Variants in PRICKLE1 observed in about 807,000 individuals in gnomAD.
PRICKLE1 encodes prickle-like protein 1.
Under a neutral mutation model 70.2 loss-of-function variants are expected in PRICKLE1, and 14 were observed. That is an observed-to-expected ratio of 0.20 (90% CI 0.13 to 0.31). PRICKLE1 has a LOEUF of 0.31. Ranked by LOEUF, PRICKLE1 falls within the 10% of genes least tolerant of loss-of-function variation. PRICKLE1 has a pLI of 1.00. For synonymous variants in PRICKLE1, 357 were observed against 379.9 expected, an observed-to-expected ratio of 0.94 and a Z score of 0.70; for missense variants, 821 against 1,026.2, an observed-to-expected ratio of 0.80 and a Z score of 2.73.
At chr12:42,461,309 GCTT>G (rs1478176651) in intron 7 of PRICKLE1, among the ~76,000 whole-genome samples, 2 of 152,166 alleles carry the variant, frequency 1.3e-5, no homozygotes, top group Admixed American at 6.6e-5. Flanking sequence ...AGATGTAGAA[GCTT>G]CTGCTCCTCA....
At chr12:42,504,791 A>G (rs1243806746) in intron 1 of PRICKLE1, among the ~76,000 whole-genome samples, 1 of 152,014 alleles carries the variant, frequency 6.6e-6, no homozygotes, top group African/African-American at 2.4e-5. Context: ...TTAACACTTT[A>G]TTTTTCTCTC....
chr12:42,460,249 C>T lies in PRICKLE1; in HGVS notation c.2056G>A (p.Ala686Thr), dbSNP rs1312641761. The change falls in exon 8 of 8, where the codon GCC (alanine) becomes ACC (threonine). Residue 686 changes from alanine (A) to threonine (T), a missense_variant. Physicochemically the swap from Ala to Thr is moderately conservative, Grantham distance 58 (BLOSUM62 0). Coordinates refer to ENST00000345127, the MANE Select transcript of PRICKLE1 (RefSeq NM_153026.3). Reference sequence around the variant, plus strand: ...TTTCTTTCTGTAACAAGATTCAGGGCATTGTCGGAGCGGGACTTTCTACTT... The same window carrying T: ...TTTCTTTCTGTAACAAGATTCAGGGTATTGTCGGAGCGGGACTTTCTACTT... ...RRSRKSRSDN[A>T]LNLVTERKYS... The T allele has an allele frequency of 6.2e-7, 1 of 1,614,114 alleles. No individual in the cohort carries two copies. Among genetic ancestry groups the T allele is most frequent in the South Asian group, 1.1e-5 (1 of 91,078 alleles).
intron 5 of PRICKLE1, among the ~76,000 whole-genome samples, chr12:42,466,690 G>T (rs1477049704): frequency 6.6e-6 from 1 of 152,146 alleles, no homozygotes; most frequent in Non-Finnish European, 1.5e-5. Flanking sequence ...CATTTTCTTG[G>T]CATAATCTGG....
At chr12:42,519,258 G>A (rs763586765) in intron 1 of PRICKLE1, among the ~76,000 whole-genome samples, 12 of 130,528 alleles carry the variant, frequency 9.2e-5, no homozygotes, top group Non-Finnish European at 1.9e-4. Flanking sequence ...GTGCAATGGC[G>A]CAATCTCTGC....
chr12:42,469,158 T>C (rs891559687), intron 4 of PRICKLE1, among the ~76,000 whole-genome samples: 1 of 152,138 alleles, frequency 6.6e-6, no homozygotes, highest in African/African-American at 2.4e-5. Context: ...TTCTGCATCT[T>C]TTGAATACGA....
chr12:42,480,362 G>A (rs1013301957), intron 1 of PRICKLE1, among the ~76,000 whole-genome samples: 4 of 152,104 alleles, frequency 2.6e-5, no homozygotes, highest in African/African-American at 9.7e-5. Context: ...TGAAGTGGGA[G>A]GATTGCTTGA....
At chr12:42,507,408 C>G (rs1280266936) in intron 1 of PRICKLE1, among the ~76,000 whole-genome samples, 2 of 152,178 alleles carry the variant, frequency 1.3e-5, no homozygotes, top group African/African-American at 4.8e-5. Flanking sequence ...TTGAACTAAA[C>G]ATACCCTAAC....
intron 1 of PRICKLE1, among the ~76,000 whole-genome samples, chr12:42,559,717 T>C (rs947773146): frequency 4.0e-5 from 6 of 151,504 alleles, no homozygotes; most frequent in Non-Finnish European, 7.4e-5. Flanking sequence ...TCTTGCCTTG[T>C]CTTCCCAAAG....
chr12:42,527,916 AATATATATATATATATATATATATAT>A (rs1163552624), intron 1 of PRICKLE1, among the ~76,000 whole-genome samples: 540 of 20,164 alleles, frequency 0.027, 33 homozygotes, highest in Non-Finnish European at 0.035. Context: ...TACTCTTTAT[AATATATATATATATATATATATATAT>A]ATATATATAT....
At chr12:42,570,910 A>G (rs1940701038) in intron 1 of PRICKLE1, among the ~76,000 whole-genome samples, 1 of 152,210 alleles carries the variant, frequency 6.6e-6, no homozygotes, top group South Asian at 2.1e-4. Context: ...CAATCAAAAT[A>G]AAGAATAGAA....
chr12:42,469,798 TAAG>T, intron 3 of PRICKLE1: 2 of 614,148 alleles, frequency 3.3e-6, no homozygotes, highest in Non-Finnish European at 5.7e-6. Flanking sequence ...TTTTTTTAAA[TAAG>T]AAATGTTTAA....
In PRICKLE1 at chr12:42,466,276, G is replaced by A. The variant is rs1275779580; in HGVS notation, c.693C>T (p.Ile231=). The A allele has an allele frequency of 6.2e-7, 1 of 1,614,204 alleles. No individual in the cohort carries two copies. The highest frequency in any genetic ancestry group is 1.1e-5 in the South Asian group (1 of 91,088). The change falls in exon 6 of 8, where the codon ATC becomes ATT. Residue 231 remains isoleucine (I), a synonymous_variant. Transcript: ENST00000345127. ...AGCAGAAGGGGCGGCCGTCCTTCAT[G>A]ATATACCTCTGTCCTCCCAGGACCG... is the stretch of plus-strand genomic sequence containing the variant. ...CETVLGGQRY[I]MKDGRPFCCG... is the part of the protein sequence containing the mutation.
intron 1 of PRICKLE1, among the ~76,000 whole-genome samples, chr12:42,504,252 C>T (rs766264726): frequency 6.6e-6 from 1 of 152,134 alleles, no homozygotes; most frequent in African/African-American, 2.4e-5. Flanking sequence ...GGATGTGAGT[C>T]CTGGGCATGG....
chr12:42,546,389 T>C (rs1023924057), intron 1 of PRICKLE1, among the ~76,000 whole-genome samples: 1 of 152,184 alleles, frequency 6.6e-6, no homozygotes, highest in African/African-American at 2.4e-5. Context: ...GGAAGGAACT[T>C]TTCACCTGAC....
chr12:42,461,414 G>A (rs1051713096), intron 7 of PRICKLE1, among the ~76,000 whole-genome samples: 2 of 152,160 alleles, frequency 1.3e-5, no homozygotes, highest in African/African-American at 4.8e-5. Flanking sequence ...ATCTTATACT[G>A]AGGCTAGTGG....
chr12:42,534,142 CA>C (rs1939975694), intron 1 of PRICKLE1, among the ~76,000 whole-genome samples: 2 of 151,810 alleles, frequency 1.3e-5, no homozygotes, highest in South Asian at 4.2e-4. Flanking sequence ...AGATGGTGGT[CA>C]GGGCAATAAA....
chr12:42,531,843 A>G (rs1418779519), intron 1 of PRICKLE1, among the ~76,000 whole-genome samples: 4 of 152,208 alleles, frequency 2.6e-5, no homozygotes, highest in Non-Finnish European at 5.9e-5. Flanking sequence ...TTCTTCATTT[A>G]TTTATAACAT....
chr12:42,537,338 T>A lies in PRICKLE1; in HGVS notation c.-49+52127A>T, dbSNP rs115254384. On this transcript the variant is annotated intron_variant, in intron 1 of 7. Transcript: ENST00000345127. ...CATGCTCAGCTAATTTAAAAAAAAA[T>A]TTTTTTTGGAGAGACAGGGTCTTGC... 3.3e-3 allele frequency among the ~76,000 whole-genome samples: 498 copies of A among 151,762 alleles called. 1 individual carries two copies. The highest frequency in any genetic ancestry group is 0.011 in the African/African-American group (470 of 41,310).
chr12:42,488,651 T>C (rs1198914924), intron 1 of PRICKLE1, among the ~76,000 whole-genome samples: 5 of 152,182 alleles, frequency 3.3e-5, no homozygotes, highest in Non-Finnish European at 7.3e-5. Context: ...TATATTCCAA[T>C]AAATATTGAG....
Sources: gnomAD v4.1 joint callset for allele counts (sites outside exome capture counted in the v4.1 genomes callset) on GRCh38, gnomAD v4.1.1 for gene constraint, MANE v1.5 for transcripts, NCBI Gene and HGNC (gene_info 2026-07-23, HGNC 2026-07-21) for gene names.